Variants in MDGA2 observed in about 807,000 individuals in gnomAD.
MDGA2 encodes the protein MAM domain containing glycosylphosphatidylinositol anchor 2.
In MDGA2, 40 loss-of-function variants were observed where a neutral mutation model predicts 117.8. The observed-to-expected ratio is 0.34, with a 90% CI of 0.26 to 0.44. The LOEUF is 0.44. Among genes scored for constraint, MDGA2 ranks in the 20% least tolerant of loss-of-function variants. The pLI is 1.00. For synonymous variants in MDGA2, 452 were observed against 439.0 expected (o/e 1.03, Z -0.37); for missense variants, 1,123 against 1,250.6 (o/e 0.90, Z 1.54).
intron 1 of MDGA2, among the ~76,000 whole-genome samples, chr14:47,477,985 CCT>C (rs1421822040): frequency 1.3e-5 from 2 of 152,150 alleles, no homozygotes; most frequent in Non-Finnish European, 2.9e-5. Flanking sequence ...AGACTACTGC[CCT>C]TCCCACCGTA....
At chr14:47,549,934 G>T (rs1378974180) in intron 1 of MDGA2, among the ~76,000 whole-genome samples, 1 of 152,168 alleles carries the variant, frequency 6.6e-6, no homozygotes, top group Admixed American at 6.5e-5. Flanking sequence ...TTTTGCTGTT[G>T]TTTAAGCCAT....
intron 9 of MDGA2, among the ~76,000 whole-genome samples, chr14:46,935,223 G>C (rs1214806408): frequency 6.6e-6 from 1 of 152,052 alleles, no homozygotes; most frequent in African/African-American, 2.4e-5. Context: ...CAATTCCTGA[G>C]ATCAGCACAA....
At chr14:47,020,534 C>T (rs1014255873) in intron 8 of MDGA2, among the ~76,000 whole-genome samples, 6 of 152,026 alleles carry the variant, frequency 3.9e-5, no homozygotes, top group South Asian at 4.2e-4. Flanking sequence ...ATTACAATCC[C>T]CTAAAAGTAT....
At chr14:47,198,716 TAA>T (rs1026626862) in intron 3 of MDGA2, among the ~76,000 whole-genome samples, 13 of 152,200 alleles carry the variant, frequency 8.5e-5, no homozygotes, top group African/African-American at 2.7e-4. Context: ...TTTTATTTTA[TAA>T]GTCTTTTATT....
rs1884939363 is a variant in MDGA2 at position 46,940,073 on chromosome 14, CT to C, written c.2089+17300del. On this transcript the variant is annotated intron_variant, in intron 9 of 16. Coordinates refer to ENST00000399232, the MANE Select transcript of MDGA2 (RefSeq NM_001113498.3). ...GTGGACTTTCTGATAGGATGGAGGA[CT>C]TATTGCAAAAGGGTCTCCACTTTGC... is the stretch of plus-strand genomic sequence containing the variant. Among the ~76,000 whole-genome samples, 7 of 152,202 alleles carry C rather than the reference CT, an allele frequency of 4.6e-5. No individual in the cohort carries two copies. The South Asian group carries it at 1.5e-3, about 32-fold the overall frequency.
At chr14:47,558,204 A>G (rs553303937) in intron 1 of MDGA2, among the ~76,000 whole-genome samples, 1 of 152,300 alleles carries the variant, frequency 6.6e-6, no homozygotes, top group East Asian at 1.9e-4. Context: ...ATACAAATGT[A>G]ATGTTTTCTA....
intron 8 of MDGA2, among the ~76,000 whole-genome samples, chr14:46,984,106 C>G (rs1165007402): frequency 1.3e-5 from 2 of 151,840 alleles, no homozygotes; most frequent in Non-Finnish European, 2.9e-5. Flanking sequence ...GATTCCAACC[C>G]CCAGGGCATA....
intron 7 of MDGA2, among the ~76,000 whole-genome samples, chr14:47,050,680 A>G (rs1488196647): frequency 6.6e-6 from 1 of 152,006 alleles, no homozygotes; most frequent in Non-Finnish European, 1.5e-5. Flanking sequence ...AACCCAAACC[A>G]TGGGTCCACT....
At chr14:46,851,682 A>T (rs1386905614) in intron 15 of MDGA2, among the ~76,000 whole-genome samples, 1 of 151,850 alleles carries the variant, frequency 6.6e-6, no homozygotes, top group Non-Finnish European at 1.5e-5. Flanking sequence ...AAAGTCACTT[A>T]TATTCTGTGT....
rs574704596 is a variant in MDGA2 at position 47,241,635 on chromosome 14, T to A, written c.421-23440A>T. ...TTGTGGCCCAAATTATTTATATGAA[T>A]AATTATGTGAAAAGAGTAGAAATGT... On this transcript the variant is annotated intron_variant, in intron 2 of 16. Transcript: ENST00000399232. Among the ~76,000 whole-genome samples, 35 of 151,960 alleles carry A rather than the reference T, an allele frequency of 2.3e-4. 1 individual carries two copies. In the South Asian group the frequency reaches 6.9e-3, roughly 30 times the overall value.
At chr14:47,210,165 T>A (rs2139477264) in intron 3 of MDGA2, among the ~76,000 whole-genome samples, 1 of 152,280 alleles carries the variant, frequency 6.6e-6, no homozygotes, top group East Asian at 1.9e-4. Flanking sequence ...ATGTAATAAA[T>A]CTATCAGACA....
At chr14:46,984,604 C>A (rs1886799168) in intron 8 of MDGA2, among the ~76,000 whole-genome samples, 1 of 151,868 alleles carries the variant, frequency 6.6e-6, no homozygotes. Flanking sequence ...TTACCTTGTC[C>A]ATCAATTCCA....
chr14:46,959,844 A>G (rs1257377384), intron 8 of MDGA2, among the ~76,000 whole-genome samples: 2 of 152,218 alleles, frequency 1.3e-5, no homozygotes, highest in Admixed American at 6.5e-5. Context: ...GAAGAACACA[A>G]TAATCTAAGG....
intron 1 of MDGA2, among the ~76,000 whole-genome samples, chr14:47,610,305 A>G (rs980937377): frequency 6.6e-6 from 1 of 152,150 alleles, no homozygotes; most frequent in African/African-American, 2.4e-5. Flanking sequence ...ATAGTACTGG[A>G]AGTCCTAGCC....
At chr14:46,894,656 A>C (rs1364155401) in intron 10 of MDGA2, among the ~76,000 whole-genome samples, 1 of 152,192 alleles carries the variant, frequency 6.6e-6, no homozygotes, top group African/African-American at 2.4e-5. Context: ...TAACTGTTAC[A>C]TAAATCATTA....
intron 3 of MDGA2, among the ~76,000 whole-genome samples, chr14:47,155,224 T>C (rs1024220810): frequency 3.9e-5 from 6 of 152,254 alleles, no homozygotes; most frequent in African/African-American, 1.4e-4. Flanking sequence ...TGCTCACGCC[T>C]GTAGTTGTCC....
At chr14:47,205,797 C>T (rs1885661828) in intron 3 of MDGA2, among the ~76,000 whole-genome samples, 1 of 151,996 alleles carries the variant, frequency 6.6e-6, no homozygotes, top group South Asian at 2.1e-4. Context: ...TCAGCTACTA[C>T]AACAATTATC....
At position 47,210,026 on chromosome 14, in the gene MDGA2, G is replaced by A. The variant is rs541216243; in HGVS notation, c.595+7995C>T. Among the ~76,000 whole-genome samples, 279 of 152,274 alleles carry A rather than the reference G, an allele frequency of 1.8e-3. 3 individuals are homozygous for A. Among genetic ancestry groups the A allele is most frequent in the African/African-American group, 6.3e-3 (263 of 41,564 alleles). On this transcript the variant is annotated intron_variant, in intron 3 of 16. Transcript: ENST00000399232. ...AACTTTTCTGTCTAAAAATCAAGTT[G>A]ATGGTTCCAATAAAAATAAACTCAT... is the stretch of plus-strand genomic sequence containing the variant.
At chr14:47,234,133 T>C (rs1886781357) in intron 2 of MDGA2, among the ~76,000 whole-genome samples, 1 of 151,876 alleles carries the variant, frequency 6.6e-6, no homozygotes, top group Admixed American at 6.6e-5. Flanking sequence ...GCAATAAAAA[T>C]AAAATTACCA....
Sources: allele counts gnomAD v4.1 joint callset (sites outside exome capture counted in the v4.1 genomes callset), GRCh38; gene constraint gnomAD v4.1.1; transcripts MANE v1.5; gene names NCBI Gene and HGNC (gene_info 2026-07-23, HGNC 2026-07-21).